Variants in SH3RF2 observed in about 807,000 individuals in gnomAD.
SH3RF2 encodes the protein E3 ubiquitin-protein ligase SH3RF2.
A neutral mutation model predicts 59.0 loss-of-function variants in SH3RF2; 43 were observed. That is an observed-to-expected ratio of 0.73 (90% CI 0.57 to 0.94). The LOEUF (loss-of-function observed/expected upper bound fraction) is 0.94. SH3RF2 is among the 40% of genes least tolerant of loss of function. The pLI is 0.00. For synonymous variants in SH3RF2, 391 were observed against 391.5 expected (o/e 1.00, Z 0.01); for missense variants, 930 against 940.1 (o/e 0.99, Z 0.14).
At chr5:145,958,113 C>CAA (rs370158410) in intron 2 of SH3RF2, among the ~76,000 whole-genome samples, 11 of 137,738 alleles carry the variant, frequency 8.0e-5, no homozygotes, top group African/African-American at 2.9e-4. Flanking sequence ...AACTCCATCT[C>CAA]AAAAAAAAAA....
downstream of SH3RF2, among the ~76,000 whole-genome samples, chr5:146,064,807 G>GGAAAGAAA (rs1216580727): frequency 1.5e-3 from 28 of 18,318 alleles, 2 homozygotes; most frequent in African/African-American, 4.2e-3. Context: ...AAGGAAGGAA[G>GGAAAGAAA]GAAAGAAAGA....
intron 3 of SH3RF2, among the ~76,000 whole-genome samples, chr5:146,000,627 A>C (rs1760372003): frequency 6.6e-6 from 1 of 152,196 alleles, no homozygotes; most frequent in East Asian, 1.9e-4. Context: ...AAAAGTATTC[A>C]CTCATTCATT....
chr5:145,998,319 T>G (rs561765641), intron 2 of SH3RF2, among the ~76,000 whole-genome samples: 3 of 150,106 alleles, frequency 2.0e-5, no homozygotes, highest in Non-Finnish European at 4.4e-5. Context: ...CCAGTGAGAC[T>G]AAAATCTGAA....
chr5:146,043,292 T>C (rs1259141730), intron 5 of SH3RF2, among the ~76,000 whole-genome samples: 1 of 152,230 alleles, frequency 6.6e-6, no homozygotes, highest in African/African-American at 2.4e-5. Flanking sequence ...GTTCCCATTC[T>C]TGGTTTCTCT....
chr5:145,999,049 C>T (rs1204022354), intron 2 of SH3RF2, among the ~76,000 whole-genome samples: 1 of 151,878 alleles, frequency 6.6e-6, no homozygotes, highest in Non-Finnish European at 1.5e-5. Flanking sequence ...TAATGATGAT[C>T]TGAGCCTTCA....
At chr5:146,020,149 C>T (rs1761259521) in intron 5 of SH3RF2, among the ~76,000 whole-genome samples, 2 of 152,100 alleles carry the variant, frequency 1.3e-5, no homozygotes, top group Admixed American at 1.3e-4. Context: ...AAGTAATTTG[C>T]ACAATGTCTC....
At chr5:145,983,781 A>G (rs1296269083) in intron 2 of SH3RF2, among the ~76,000 whole-genome samples, 1 of 152,226 alleles carries the variant, frequency 6.6e-6, no homozygotes, top group African/African-American at 2.4e-5. Flanking sequence ...GTTGGAAAGA[A>G]AAAGTCTTCA....
intron 2 of SH3RF2, among the ~76,000 whole-genome samples, chr5:145,995,123 T>A (rs1760097519): frequency 6.6e-6 from 1 of 152,050 alleles, no homozygotes; most frequent in African/African-American, 2.4e-5. Flanking sequence ...CCAGGCCCCT[T>A]CCCTATTAGG....
intron 5 of SH3RF2, among the ~76,000 whole-genome samples, chr5:146,022,874 AACAC>A (rs57377156): frequency 0.034 from 4,819 of 141,888 alleles, 182 homozygotes; most frequent in African/African-American, 0.096. Flanking sequence ...GCTCCATCTA[AACAC>A]ACACACACAC....
chr5:146,037,341 A>G (rs1346520485), intron 5 of SH3RF2, among the ~76,000 whole-genome samples: 1 of 152,222 alleles, frequency 6.6e-6, no homozygotes. Context: ...CCAAAAGTCC[A>G]TTCTGTTAGC....
intron 2 of SH3RF2, among the ~76,000 whole-genome samples, chr5:145,962,780 T>G (rs1351817438): frequency 2.0e-5 from 3 of 152,148 alleles, no homozygotes; most frequent in Non-Finnish European, 2.9e-5. Context: ...CCTTAGGACT[T>G]CATACCTCCT....
chr5:145,979,032 C>T (rs1759409400), intron 2 of SH3RF2, among the ~76,000 whole-genome samples: 1 of 152,194 alleles, frequency 6.6e-6, no homozygotes, highest in Non-Finnish European at 1.5e-5. Flanking sequence ...CTGTGAAAAA[C>T]TCAGGGCCTA....
intron 9 of SH3RF2, among the ~76,000 whole-genome samples, chr5:146,070,932 T>G (rs1308907644): frequency 6.6e-6 from 1 of 152,204 alleles, no homozygotes; most frequent in Non-Finnish European, 1.5e-5. Flanking sequence ...GTGCACTATG[T>G]GCATTTTGTG....
At chr5:145,995,696 T>C (rs965845231) in intron 2 of SH3RF2, among the ~76,000 whole-genome samples, 1 of 152,200 alleles carries the variant, frequency 6.6e-6, no homozygotes, top group African/African-American at 2.4e-5. Context: ...GTTTTTTCAA[T>C]ATTCAAAAAT....
At chr5:145,950,010 T>C (rs1275042671) in intron 2 of SH3RF2, among the ~76,000 whole-genome samples, 1 of 152,082 alleles carries the variant, frequency 6.6e-6, no homozygotes, top group Non-Finnish European at 1.5e-5. Flanking sequence ...AGTGGAATGA[T>C]TGTTCTCACT....
chr5:146,033,301 G>C (rs1761804033), intron 5 of SH3RF2, among the ~76,000 whole-genome samples: 1 of 151,990 alleles, frequency 6.6e-6, no homozygotes, highest in East Asian at 1.9e-4. Context: ...TAAGGGCAAG[G>C]AGTATGCTTT....
chr5:146,071,674 G>T (rs1229315449), intron 9 of SH3RF2, among the ~76,000 whole-genome samples: 3 of 152,180 alleles, frequency 2.0e-5, no homozygotes, highest in Non-Finnish European at 4.4e-5. Flanking sequence ...TAGCTGGGAT[G>T]ATGAGATTTG....
intron 5 of SH3RF2, among the ~76,000 whole-genome samples, chr5:146,036,317 T>G (rs1042586546): frequency 6.6e-6 from 1 of 152,204 alleles, no homozygotes; most frequent in Non-Finnish European, 1.5e-5. Context: ...CTACAGAGGC[T>G]GAGGCAGGAG....
intron 2 of SH3RF2, among the ~76,000 whole-genome samples, chr5:145,987,032 G>A (rs545175679): frequency 6.6e-6 from 1 of 152,230 alleles, no homozygotes; most frequent in East Asian, 1.9e-4. Context: ...GACTCAAAGT[G>A]GCAGGAGTTA....
Sources: gnomAD v4.1 joint callset for allele counts (sites outside exome capture counted in the v4.1 genomes callset) on GRCh38, gnomAD v4.1.1 for gene constraint, MANE v1.5 for transcripts, NCBI Gene and HGNC (gene_info 2026-07-23, HGNC 2026-07-21) for gene names.